The following MYO1H variants were observed in gnomAD, a reference collection of about 807,000 sequenced individuals.
MYO1H encodes unconventional myosin-Ih.
Under a neutral mutation model 149.3 loss-of-function variants are expected in MYO1H, and 118 were observed. The ratio of observed to expected loss-of-function variants is 0.79; its 90% CI spans 0.68 to 0.92. The LOEUF (loss-of-function observed/expected upper bound fraction) is 0.92. MYO1H is among the 40% of genes least tolerant of loss of function. The pLI is 0.00. For synonymous variants in MYO1H, 447 were observed against 465.2 expected (o/e 0.96, Z 0.50); for missense variants, 1,212 against 1,280.7 (o/e 0.95, Z 0.82).
At chr12:109,423,776 C>A (rs112650380) in intron 16 of MYO1H, among the ~76,000 whole-genome samples, 2 of 152,042 alleles carry the variant, frequency 1.3e-5, no homozygotes, top group African/African-American at 4.8e-5. Context: ...TGGGTTTATT[C>A]GTGTTGTGGA....
intron 1 of MYO1H, among the ~76,000 whole-genome samples, chr12:109,368,067 G>C (rs1377772507): frequency 2.0e-5 from 3 of 152,150 alleles, no homozygotes; most frequent in African/African-American, 7.2e-5. Flanking sequence ...TCTCCAAATT[G>C]TCTTGACCTA....
chr12:109,405,959 G>A, exon 8 of MYO1H: 1 of 1,613,722 alleles, frequency 6.2e-7, no homozygotes, highest in Non-Finnish European at 8.5e-7. Flanking sequence ...TTACACCTGG[G>A]GAACATTGGT....
intron 7 of MYO1H, among the ~76,000 whole-genome samples, chr12:109,404,380 A>G (rs1870289209): frequency 1.3e-5 from 2 of 152,150 alleles, no homozygotes; most frequent in African/African-American, 4.8e-5. Context: ...TACTCCGGAG[A>G]CGGAGGCAGG....
intron 1 of MYO1H, among the ~76,000 whole-genome samples, chr12:109,348,574 G>C (rs569351808): frequency 3.0e-4 from 45 of 152,294 alleles, no homozygotes; most frequent in South Asian, 2.3e-3. Flanking sequence ...CCCAGGTAAT[G>C]ATCATTTTAA....
chr12:109,351,962 A>G (rs149178855), intron 1 of MYO1H, among the ~76,000 whole-genome samples: 2 of 152,060 alleles, frequency 1.3e-5, no homozygotes, highest in Admixed American at 1.3e-4. Context: ...AGGAAACTCT[A>G]TTTTCCCTTC....
At chr12:109,358,839 G>GT (rs145631529) in intron 1 of MYO1H, among the ~76,000 whole-genome samples, 5,162 of 86,138 alleles carry the variant, frequency 0.06, 448 homozygotes, top group African/African-American at 0.23. Flanking sequence ...GAAGCATCCT[G>GT]TGGTGTTAAA....
intron 1 of MYO1H, among the ~76,000 whole-genome samples, chr12:109,358,165 C>T (rs964608141): frequency 9.2e-5 from 14 of 151,482 alleles, no homozygotes; most frequent in Non-Finnish European, 1.3e-4. Flanking sequence ...TTTTCAATAA[C>T]GCATCATGAC....
At chr12:109,355,823 T>C (rs1868582169) in intron 1 of MYO1H, among the ~76,000 whole-genome samples, 1 of 151,680 alleles carries the variant, frequency 6.6e-6, no homozygotes, top group South Asian at 2.1e-4. Flanking sequence ...GACTCCTGCC[T>C]CAGCCTCCCA....
At chr12:109,426,466 C>T (rs1382035695) in intron 18 of MYO1H, among the ~76,000 whole-genome samples, 1 of 152,110 alleles carries the variant, frequency 6.6e-6, no homozygotes, top group Non-Finnish European at 1.5e-5. Context: ...TTCAAGGCTG[C>T]AGTGAGCCAT....
At chr12:109,406,491 A>T (rs1257293637) in intron 8 of MYO1H, among the ~76,000 whole-genome samples, 1 of 147,466 alleles carries the variant, frequency 6.8e-6, no homozygotes, top group Admixed American at 6.8e-5. Flanking sequence ...AAAAAAAAAA[A>T]AAAAAAAAAT....
the MYO1H span, among the ~76,000 whole-genome samples, chr12:109,334,550 C>T: frequency 0.043 from 6,573 of 152,258 alleles, 203 homozygotes; most frequent in Admixed American, 0.093. Context: ...TCTAGGAAAG[C>T]CAGGACCAGA....
intron 2 of MYO1H, among the ~76,000 whole-genome samples, chr12:109,392,488 C>G (rs906920404): frequency 2.6e-5 from 4 of 152,072 alleles, no homozygotes; most frequent in African/African-American, 7.2e-5. Flanking sequence ...TTTGGGAGGC[C>G]GAGGCAGGCA....
intron 27 of MYO1H, among the ~76,000 whole-genome samples, chr12:109,442,795 CTTTTTTT>C (rs747073389): frequency 1.4e-4 from 13 of 94,040 alleles, no homozygotes; most frequent in East Asian, 9.7e-4. Flanking sequence ...AGTGTCTGCT[CTTTTTTT>C]TTTTTTTTTT....
At chr12:109,427,437 T>C (rs1305749347) in intron 18 of MYO1H, 32 bp from the exon 19 acceptor site, 6 of 1,429,562 alleles carry the variant, frequency 4.2e-6, no homozygotes, top group Non-Finnish European at 3.0e-6. Context: ...ATGGGATCCT[T>C]TCCTGTCATT....
At chr12:109,427,640 A>C (rs1351205197) in intron 19 of MYO1H, 54 bp downstream of exon 19, 1 of 1,247,978 alleles carries the variant, frequency 8.0e-7, no homozygotes. Context: ...ACTACATGAG[A>C]ATCTCTGGGG....
At chr12:109,326,530 TTTA>T in the MYO1H span, among the ~76,000 whole-genome samples, 2 of 149,192 alleles carry the variant, frequency 1.3e-5, no homozygotes, top group African/African-American at 5.1e-5. Flanking sequence ...TTTATTTTAT[TTTA>T]TTTTTTGAGA....
At chr12:109,329,031 TTC>T in the MYO1H span, among the ~76,000 whole-genome samples, 1 of 139,776 alleles carries the variant, frequency 7.2e-6, no homozygotes, top group African/African-American at 2.8e-5. Flanking sequence ...TTTCTTTTTT[TTC>T]TTTTTTTTTT....
chr12:109,378,124 G>C (rs760951461), intron 1 of MYO1H, among the ~76,000 whole-genome samples: 45 of 152,004 alleles, frequency 3.0e-4, no homozygotes, highest in Non-Finnish European at 4.9e-4. Flanking sequence ...AAAGTGTACA[G>C]TTCACTTGTT....
intron 19 of MYO1H, among the ~76,000 whole-genome samples, chr12:109,431,673 C>T (rs1317356253): frequency 1.3e-5 from 2 of 152,146 alleles, no homozygotes; most frequent in East Asian, 1.9e-4. Flanking sequence ...CTGAATTCTG[C>T]GTTCAGTTGT....
Sources: allele counts gnomAD v4.1 joint callset (sites outside exome capture counted in the v4.1 genomes callset), GRCh38; gene constraint gnomAD v4.1.1; transcripts MANE v1.5; gene names NCBI Gene and HGNC (gene_info 2026-07-23, HGNC 2026-07-21).